Variants in ATXN10 observed in about 807,000 individuals in gnomAD.
ATXN10 encodes the protein ataxin-10.
In ATXN10, 28 loss-of-function variants were observed where a neutral mutation model predicts 52.9. The observed-to-expected ratio is 0.53, with a 90% CI of 0.39 to 0.73. The LOEUF (loss-of-function observed/expected upper bound fraction) is 0.73. Ranked by LOEUF, ATXN10 falls within the 30% of genes least tolerant of loss-of-function variation. The pLI, the probability that ATXN10 is intolerant of heterozygous loss-of-function variation, is 0.00. For synonymous variants in ATXN10, 226 were observed against 221.5 expected (o/e 1.02, Z -0.18); for missense variants, 565 against 577.0 (o/e 0.98, Z 0.21).
rs1384991094 is a variant in ATXN10 at position 45,718,458 on chromosome 22, A to G, written c.693A>G (p.Val231=). The G allele has an allele frequency of 1.2e-6, 2 of 1,613,786 alleles. No individual in the cohort carries two copies. Among genetic ancestry groups the G allele is most frequent in the African/African-American group, 1.3e-5 (1 of 75,024 alleles). Residue 231 remains valine (V), a synonymous_variant, in exon 6 of 12, where the codon GTA becomes GTG. Coordinates refer to ENST00000252934, the MANE Select transcript of ATXN10 (RefSeq NM_013236.4). This position sits in a 1 kb window ranked among gnomAD's most constrained non-coding sequence, Gnocchi z 4.4. The part of the protein sequence containing the change: ...TDLFLKSPEL[V]QAMFPKLNNQ... Reference sequence around the variant, plus strand: ...TCTTTCTGAAAAGCCCGGAATTGGTACAAGCCATGTTTCCCAAACTGAACA... The same window carrying G: ...TCTTTCTGAAAAGCCCGGAATTGGTGCAAGCCATGTTTCCCAAACTGAACA...
At chr22:45,822,703 G>A (rs1928691671) in intron 10 of ATXN10, among the ~76,000 whole-genome samples, 1 of 151,716 alleles carries the variant, frequency 6.6e-6, no homozygotes, top group Non-Finnish European at 1.5e-5. Context: ...GCTAATTTTT[G>A]TAGAGATGGG....
In ATXN10 at chr22:45,828,572, C is replaced by G. The variant is rs1477221680; in HGVS notation, c.1238-14419C>G. On this transcript the variant is annotated intron_variant, in intron 10 of 11. Transcript: ENST00000252934. This position sits in a 1 kb window ranked among gnomAD's most constrained non-coding sequence, Gnocchi z 4.5. ...AGAAATGAAAGTGGGGACATTACTACTGATTCTACAGAAATAAAAAGGGTT... is the reference window on the plus strand; with the variant it reads ...AGAAATGAAAGTGGGGACATTACTAGTGATTCTACAGAAATAAAAAGGGTT... 1.3e-5 allele frequency among the ~76,000 whole-genome samples: 2 copies of G among 152,096 alleles called. No homozygotes were observed. The highest frequency in any genetic ancestry group is 3.8e-4 in the East Asian group (2 of 5,196).
rs1223807467 is a variant in ATXN10, at chr22:45,781,574, TG to T, written c.1174-25382del. 6.6e-6 allele frequency among the ~76,000 whole-genome samples: 1 copy of T among 152,218 alleles called. No homozygotes were observed. The highest frequency in any genetic ancestry group is 1.5e-5 in the Non-Finnish European group (1 of 68,034). ...ATGTTTAGAGTACAATTTAAAATCATGGGTTACACTAAGGACCAGGAAAATC... is the reference window on the plus strand; with the variant it reads ...ATGTTTAGAGTACAATTTAAAATCATGGTTACACTAAGGACCAGGAAAATC... On this transcript the variant is annotated intron_variant, in intron 9 of 11. Coordinates refer to ENST00000252934, the MANE Select transcript of ATXN10 (RefSeq NM_013236.4). The surrounding 1 kb of genome is among the most constrained non-coding windows in gnomAD (Gnocchi z 4.2).
chr22:45,743,339 G>A (rs535866915), intron 9 of ATXN10, among the ~76,000 whole-genome samples: 5 of 152,274 alleles, frequency 3.3e-5, no homozygotes, highest in South Asian at 2.1e-4. Context: ...ACACAACGCC[G>A]AAATCTTGTT....
chr22:45,692,227 CTA>C (rs1250115050), intron 2 of ATXN10, among the ~76,000 whole-genome samples: 1 of 151,928 alleles, frequency 6.6e-6, no homozygotes, highest in Admixed American at 6.6e-5. Flanking sequence ...TATATGCAAA[CTA>C]TAAAAATTCT....
At chr22:45,734,365 TA>T in intron 7 of ATXN10, 1 of 270,866 alleles carries the variant, frequency 3.7e-6, no homozygotes. Flanking sequence ...ATGCATTTAT[TA>T]AAAAGCATTT....
At position 45,843,853 on chromosome 22, in the gene ATXN10, G is replaced by A; in HGVS notation, c.*182G>A. The A allele has an allele frequency of 1.6e-6, 1 of 639,818 alleles. No individual in the cohort carries two copies. Among genetic ancestry groups the A allele is most frequent in the Non-Finnish European group, 2.7e-6 (1 of 364,794 alleles). The allele number at this position is 639,818 out of a possible 1,614,324, so 39.6% of individuals were successfully genotyped here. ...AGTGAAAGTAACTGAGTGTTCTCTT[G>A]TTTCTTTGCATTAATGTAACTGTGT... is the stretch of plus-strand genomic sequence containing the variant. On this transcript the variant is annotated 3_prime_UTR_variant, in exon 12 of 12. Transcript: ENST00000252934. This position sits in a 1 kb window ranked among gnomAD's most constrained non-coding sequence, Gnocchi z 4.5.
chr22:45,778,251 A>G (rs1601640266), intron 9 of ATXN10, among the ~76,000 whole-genome samples: 2 of 152,170 alleles, frequency 1.3e-5, no homozygotes, highest in South Asian at 2.1e-4. Context: ...TTTTTCCCCT[A>G]TTAATGTCAT....
chr22:45,762,712 C>A lies in ATXN10; in HGVS notation c.1173+22174C>A, dbSNP rs553487164. 6.6e-6 allele frequency among the ~76,000 whole-genome samples: 1 copy of A among 152,208 alleles called. No homozygotes were observed. The highest frequency in any genetic ancestry group is 1.5e-5 in the Non-Finnish European group (1 of 68,032). Reference sequence around the variant, plus strand: ...CCCCAGAGGCCACCTCACTCTTACTCCTGTCTCCAGGCTGGTGACCTCACA... The same window carrying A: ...CCCCAGAGGCCACCTCACTCTTACTACTGTCTCCAGGCTGGTGACCTCACA... On this transcript the variant is annotated intron_variant, in intron 9 of 11. Coordinates refer to ENST00000252934, the MANE Select transcript of ATXN10 (RefSeq NM_013236.4). The surrounding 1 kb of genome is among the most constrained non-coding windows in gnomAD (Gnocchi z 4.3).
In ATXN10 at chr22:45,781,914, C is replaced by G. The variant is rs1454357017; in HGVS notation, c.1174-25045C>G. ...AACTGGAGGATGGAATAAAAATTAT[C>G]CAGTCTGAACAACAGAAAGAAAATA... On this transcript the variant is annotated intron_variant, in intron 9 of 11. Coordinates refer to ENST00000252934, the MANE Select transcript of ATXN10 (RefSeq NM_013236.4). The surrounding 1 kb of genome is among the most constrained non-coding windows in gnomAD (Gnocchi z 4.2). Among the ~76,000 whole-genome samples the G allele has an allele frequency of 6.6e-6, 1 of 152,126 alleles. No individual in the cohort carries two copies. Among genetic ancestry groups the G allele is most frequent in the Non-Finnish European group, 1.5e-5 (1 of 68,010 alleles).
At chr22:45,807,255 T>C (rs975565526) in intron 10 of ATXN10, among the ~76,000 whole-genome samples, 3 of 152,236 alleles carry the variant, frequency 2.0e-5, no homozygotes, top group African/African-American at 4.8e-5. Flanking sequence ...CAAATGAGCA[T>C]GTGGCCAAAA....
At chr22:45,719,056 T>G (rs949416609) in intron 6 of ATXN10, among the ~76,000 whole-genome samples, 11 of 151,974 alleles carry the variant, frequency 7.2e-5, no homozygotes, top group Middle Eastern at 3.2e-3. Context: ...TGTGTATTTT[T>G]TTTTTTTTTC....
At chr22:45,760,252 C>T (rs994420518) in intron 9 of ATXN10, among the ~76,000 whole-genome samples, 4 of 152,264 alleles carry the variant, frequency 2.6e-5, no homozygotes, top group South Asian at 2.1e-4. Context: ...AGGTTTCCTG[C>T]GGGCCAGATG....
intron 9 of ATXN10, among the ~76,000 whole-genome samples, chr22:45,803,013 A>G (rs1927978557): frequency 6.6e-6 from 1 of 152,244 alleles, no homozygotes; most frequent in African/African-American, 2.4e-5. Flanking sequence ...CTACTGCCCA[A>G]CCCCTTGTTC....
rs1031584041 is a variant in ATXN10 at position 45,825,895 on chromosome 22, C to A, written c.1238-17096C>A. Among the ~76,000 whole-genome samples the A allele has an allele frequency of 6.6e-6, 1 of 151,996 alleles. No homozygotes were observed. The highest frequency in any genetic ancestry group is 2.4e-5 in the African/African-American group (1 of 41,388). On this transcript the variant is annotated intron_variant, in intron 10 of 11. Transcript: ENST00000252934. This position sits in a 1 kb window ranked among gnomAD's most constrained non-coding sequence, Gnocchi z 4.5. ...GACCAGCCTGGTAACATGGCAAAAC[C>A]CCATCTCTACAAAAATTAGCCCCAG...
intron 1 of ATXN10, among the ~76,000 whole-genome samples, chr22:45,682,633 CTAGACTTGT>C (rs1227876392): frequency 6.6e-6 from 1 of 152,134 alleles, no homozygotes; most frequent in Admixed American, 6.5e-5. Flanking sequence ...CTCCTGAATG[CTAGACTTGT>C]TTATTCACCT....
At chr22:45,748,084 T>C (rs923275437) in intron 9 of ATXN10, among the ~76,000 whole-genome samples, 2 of 151,738 alleles carry the variant, frequency 1.3e-5, no homozygotes, top group Admixed American at 6.6e-5. Flanking sequence ...GGGGCTGAGG[T>C]GGGACGGTTG....
chr22:45,747,803 A>G (rs750723045), intron 9 of ATXN10, among the ~76,000 whole-genome samples: 4 of 151,992 alleles, frequency 2.6e-5, no homozygotes, highest in Non-Finnish European at 4.4e-5. Flanking sequence ...GTGATCATGT[A>G]TAGGAAGTAT....
At chr22:45,761,423 C>T (rs779899162) in intron 9 of ATXN10, among the ~76,000 whole-genome samples, 3 of 152,184 alleles carry the variant, frequency 2.0e-5, no homozygotes, top group Non-Finnish European at 4.4e-5. Flanking sequence ...TAGGGATGAA[C>T]AAATGAATAT....
Sources: allele counts gnomAD v4.1 joint callset (sites outside exome capture counted in the v4.1 genomes callset), GRCh38; gene constraint gnomAD v4.1.1; non-coding constraint Gnocchi (gnomAD v3.1); transcripts MANE v1.5; gene names NCBI Gene and HGNC (gene_info 2026-07-23, HGNC 2026-07-21).